Variants in PDK2 observed in about 807,000 individuals in gnomAD.
PDK2 encodes the protein pyruvate dehydrogenase kinase, isozyme 2.
Under a neutral mutation model 50.4 loss-of-function variants are expected in PDK2, and 34 were observed. The observed-to-expected ratio is 0.68, with a 90% CI of 0.51 to 0.90. The LOEUF (loss-of-function observed/expected upper bound fraction) is 0.90, where lower values mean the gene tolerates loss of function less well. PDK2 is among the 40% of genes least tolerant of loss of function. The probability of loss-of-function intolerance (pLI) is 0.00; values close to 1 mark genes in which losing one functional copy is unlikely to be tolerated. For missense variants in PDK2, 377 were observed against 544.5 expected (o/e 0.69, Z 3.06); for synonymous variants, 232 against 216.0 (o/e 1.07, Z -0.65).
Position 50,109,250 on chromosome 17 carries a change from GCCT to G in PDK2, c.970-32_970-30del, listed in dbSNP as rs945969553. The G allele has an allele frequency of 1.4e-6, 2 of 1,410,698 alleles. No homozygotes were observed. The highest frequency in any genetic ancestry group is 2.8e-5 in the African/African-American group (2 of 70,714). The allele number at this position is 1,410,698 out of a possible 1,614,324, so 87.4% of individuals were successfully genotyped here. A position where few individuals can be genotyped will look rare whatever the true frequency, so the allele number is the denominator to read the frequency against. ...CTGCAGCTCCAGGAGGCCCCTGCCA[GCCT>G]CCTCATCCTCACTGCCTTCCTGCCC... On this transcript the variant is annotated intron_variant, in intron 9 of 10. Coordinates refer to ENST00000503176, the MANE Select transcript of PDK2 (RefSeq NM_002611.5). The surrounding 1 kb of genome is among the most constrained non-coding windows in gnomAD (Gnocchi z 5.0).
At position 50,095,728 on chromosome 17, in the gene PDK2, G is replaced by A. The variant is rs1333855843; in HGVS notation, c.118+175G>A. 2.8e-6 allele frequency: 4 copies of A among 1,426,478 alleles called. No homozygotes were observed. The Admixed American group carries it at 8.8e-5, about 31-fold the overall frequency. 88.4% of individuals were successfully genotyped at this position (1,426,478 alleles called of 1,614,324 possible). ...AAGCAGGAACCGGCCGGGGCCTCTC[G>A]ACGGGGCTGCTGATGGGAATGGGGG... On this transcript the variant is annotated intron_variant, in intron 1 of 10. Coordinates refer to ENST00000503176, the MANE Select transcript of PDK2 (RefSeq NM_002611.5).
intron 1 of PDK2, chr17:50,096,056 G>A (rs1909922981): frequency 1.1e-6 from 1 of 934,276 alleles, no homozygotes; most frequent in Non-Finnish European, 1.3e-6. Context: ...TTAAGCCAGG[G>A]GCAGTTGGGG....
intron 1 of PDK2, chr17:50,096,234 G>A: frequency 1.0e-6 from 1 of 985,526 alleles, no homozygotes; most frequent in Non-Finnish European, 1.2e-6. Flanking sequence ...CCCAGGCACC[G>A]TGATGTGGAG....
In PDK2 at chr17:50,110,178, G is replaced by C. The variant is rs934361514; in HGVS notation, c.*81G>C. The C allele has an allele frequency of 1.7e-5, 24 of 1,419,100 alleles. No individual in the cohort carries two copies. In the South Asian group the frequency reaches 3.1e-4, roughly 18 times the overall value. 87.9% of individuals were successfully genotyped at this position (1,419,100 alleles called of 1,614,324 possible). On this transcript the variant is annotated 3_prime_UTR_variant, in exon 11 of 11. Coordinates refer to ENST00000503176, the MANE Select transcript of PDK2 (RefSeq NM_002611.5). ...CCGTGGTGCCCCTCACCATCCTCCT[G>C]GGGGAGCAGGGGGTGGGTTCTCCCT...
At chr17:50,107,546 A>G (rs1408482453) in intron 6 of PDK2, among the ~76,000 whole-genome samples, 1 of 152,178 alleles carries the variant, frequency 6.6e-6, no homozygotes, top group Non-Finnish European at 1.5e-5. Context: ...CTACCACTGC[A>G]CTCCAGCCTG....
intron 2 of PDK2, among the ~76,000 whole-genome samples, chr17:50,102,329 G>A (rs1285742191): frequency 6.6e-6 from 1 of 152,202 alleles, no homozygotes; most frequent in Admixed American, 6.5e-5. Flanking sequence ...CTCCACTTCA[G>A]TGGCCACGTG....
At chr17:50,105,343 G>C in intron 2 of PDK2, 28 bp from the exon 3 acceptor site, 1 of 1,561,340 alleles carries the variant, frequency 6.4e-7, no homozygotes, top group Non-Finnish European at 8.7e-7. Flanking sequence ...CTGAAGCTGA[G>C]GCTGTGTCCC....
chr17:50,105,574 G>A (rs1471001187), intron 3 of PDK2, 132 bp downstream of exon 3: 1 of 760,290 alleles, frequency 1.3e-6, no homozygotes, highest in Non-Finnish European at 2.1e-6. Context: ...AGTCTGAGTG[G>A]GGAGACAGAC....
rs746716387 is a variant in PDK2 at position 50,105,451 on chromosome 17, G to A, written c.332+9G>A. ...CATCGCACCCTGAGCCAGTGAGTGG[G>A]GGCCCTGGGTGGGGCAGGAAGGCAG... On this transcript the variant is annotated intron_variant, in intron 3 of 10. Transcript: ENST00000503176. 6.2e-7 allele frequency: 1 copy of A among 1,612,398 alleles called. No homozygotes were observed. Among genetic ancestry groups the A allele is most frequent in the Non-Finnish European group, 8.5e-7 (1 of 1,179,164 alleles).
intron 5 of PDK2, 86 bp from the exon 6 acceptor site, chr17:50,106,990 A>C (rs1910551832): frequency 1.4e-6 from 2 of 1,470,534 alleles, no homozygotes; most frequent in Non-Finnish European, 1.9e-6. Flanking sequence ...CCATGGATTT[A>C]ATGCTGGTGG....
chr17:50,095,372 G>T lies in PDK2; in HGVS notation c.-64G>T. 3 of 1,244,718 alleles carry T rather than the reference G, an allele frequency of 2.4e-6. No individual in the cohort carries two copies. In the South Asian group the frequency reaches 3.9e-5, roughly 16 times the overall value. 77.1% of individuals were successfully genotyped at this position (1,244,718 alleles called of 1,614,324 possible). ...AGGAGGCGGCCGAACCGCGTCGCTG[G>T]GCCGAAAGGTGCGCGAGCGCTGCCC... On this transcript the variant is annotated 5_prime_UTR_variant, in exon 1 of 11. Coordinates refer to ENST00000503176, the MANE Select transcript of PDK2 (RefSeq NM_002611.5).
chr17:50,109,945 G>C lies in PDK2; in HGVS notation c.1084-12G>C, dbSNP rs368720004. The C allele has an allele frequency of 6.5e-6, 10 of 1,532,078 alleles. No individual in the cohort carries two copies. The highest frequency in any genetic ancestry group is 7.9e-6 in the Non-Finnish European group (9 of 1,132,270). 94.9% of individuals were successfully genotyped at this position (1,532,078 alleles called of 1,614,324 possible). Reference sequence around the variant, plus strand: ...CAGGGAGGTGGGAGGGGCTGACCCTGACACTCCCCAGGCCCTGTCCACGGA... The same window carrying C: ...CAGGGAGGTGGGAGGGGCTGACCCTCACACTCCCCAGGCCCTGTCCACGGA... On this transcript the variant is annotated splice_polypyrimidine_tract_variant and intron_variant, in intron 10 of 10. Coordinates refer to ENST00000503176, the MANE Select transcript of PDK2 (RefSeq NM_002611.5). The surrounding 1 kb of genome is among the most constrained non-coding windows in gnomAD (Gnocchi z 5.0).
rs1910562266 is a variant in PDK2 at position 50,107,186 on chromosome 17, T to C, written c.685+33T>C. 2.5e-6 allele frequency: 4 copies of C among 1,585,144 alleles called. No individual in the cohort carries two copies. The Admixed American group carries it at 6.7e-5, about 26-fold the overall frequency. On this transcript the variant is annotated intron_variant, in intron 6 of 10. Coordinates refer to ENST00000503176, the MANE Select transcript of PDK2 (RefSeq NM_002611.5). Reference sequence around the variant, plus strand: ...AGCGGGGCTGTGTATGTGTCTGTCTTGGGGCTGGGGACGTGGCAGGGCAAG... The same window carrying C: ...AGCGGGGCTGTGTATGTGTCTGTCTCGGGGCTGGGGACGTGGCAGGGCAAG...
In PDK2 at chr17:50,109,461, C is replaced by A; in HGVS notation, c.1083+61C>A. 2 of 1,062,638 alleles carry A rather than the reference C, an allele frequency of 1.9e-6. No homozygotes were observed. The highest frequency in any genetic ancestry group is 2.6e-5 in the East Asian group (1 of 38,772). The allele number at this position is 1,062,638 out of a possible 1,614,324, so 65.8% of individuals were successfully genotyped here. On this transcript the variant is annotated intron_variant, in intron 10 of 10. Transcript: ENST00000503176. The surrounding 1 kb of genome is among the most constrained non-coding windows in gnomAD (Gnocchi z 5.0). Reference sequence around the variant, plus strand: ...AGCTTTGCTGATAGGACCTGGGCAGCCTTGGCCAGCTGCGAGCTTTCCTTT... The same window carrying A: ...AGCTTTGCTGATAGGACCTGGGCAGACTTGGCCAGCTGCGAGCTTTCCTTT...
rs1910497806 is a variant in PDK2, at chr17:50,106,085, A to AGCG, written c.517+21_517+23dup. 1 of 1,577,338 alleles carries AGCG rather than the reference A, an allele frequency of 6.3e-7. No individual in the cohort carries two copies. Among genetic ancestry groups the AGCG allele is most frequent in the African/African-American group, 1.3e-5 (1 of 74,382 alleles). ...AACCAGCACAGTGGGTGCCGGCCACAGCGGCGGGGAGCGGGCGGTGGGGGG... is the reference window on the plus strand; with the variant it reads ...AACCAGCACAGTGGGTGCCGGCCACAGCGGCGGCGGGGAGCGGGCGGTGGGGGG... On this transcript the variant is annotated intron_variant, in intron 4 of 10. Coordinates refer to ENST00000503176, the MANE Select transcript of PDK2 (RefSeq NM_002611.5).
chr17:50,098,058 G>A (rs887006565), intron 2 of PDK2, among the ~76,000 whole-genome samples: 4 of 152,200 alleles, frequency 2.6e-5, no homozygotes, highest in South Asian at 2.1e-4. Context: ...GTACCTTCCC[G>A]AAGAGCTTTG....
chr17:50,097,413 C>G lies in PDK2; in HGVS notation c.119-10C>G. On this transcript the variant is annotated splice_polypyrimidine_tract_variant and intron_variant, in intron 1 of 10. Transcript: ENST00000503176. ...GTGGCTCTGTGGCTCACCCCTCTTT[C>G]TCCTGCCAGGATCCAGCAATGCCTG... 6.2e-7 allele frequency: 1 copy of G among 1,613,226 alleles called. No individual in the cohort carries two copies. Among genetic ancestry groups the G allele is most frequent in the South Asian group, 1.1e-5 (1 of 91,044 alleles).
intron 2 of PDK2, among the ~76,000 whole-genome samples, chr17:50,102,417 T>G (rs1405180081): frequency 1.3e-5 from 2 of 152,184 alleles, no homozygotes; most frequent in Admixed American, 1.3e-4. Flanking sequence ...GCACTCTCCC[T>G]AAGTGAGACT....
At position 50,095,480 on chromosome 17, in the gene PDK2, G is replaced by T. The variant is rs752680196; in HGVS notation, c.45G>T (p.Gly15=). 8.7e-6 allele frequency: 14 copies of T among 1,605,982 alleles called. No homozygotes were observed. The African/African-American group carries it at 1.2e-4, about 14-fold the overall frequency. The change falls in exon 1 of 11, where the codon GGG becomes GGT. Residue 15 remains glycine (G), a synonymous_variant. Transcript: ENST00000503176. The part of the protein sequence containing the change: ...WALLKNASLA[G]APKYIEHFSK... Reference sequence around the variant, plus strand: ...TGCTGAAGAATGCGTCCCTGGCAGGGGCGCCCAAGTACATAGAGCACTTCA... The same window carrying T: ...TGCTGAAGAATGCGTCCCTGGCAGGTGCGCCCAAGTACATAGAGCACTTCA...
Sources: gnomAD v4.1 joint callset for allele counts (sites outside exome capture counted in the v4.1 genomes callset) on GRCh38, gnomAD v4.1.1 for gene constraint, Gnocchi (gnomAD v3.1) non-coding constraint, MANE v1.5 for transcripts, NCBI Gene and HGNC (gene_info 2026-07-23, HGNC 2026-07-21) for gene names.